The following PEAK1 variants were observed in gnomAD, a reference collection of about 807,000 sequenced individuals.
The protein encoded by PEAK1 is pseudopodium enriched atypical kinase 1, also known as inactive tyrosine-protein kinase PEAK1.
PEAK1 carries 54 observed loss-of-function variants against 124.7 expected under a neutral mutation model. The observed-to-expected ratio is 0.43, with a 90% CI of 0.35 to 0.54. PEAK1 has a LOEUF of 0.54. Among genes scored for constraint, PEAK1 ranks in the 20% least tolerant of loss-of-function variants. The pLI is 0.01. For synonymous variants in PEAK1, 719 were observed against 760.0 expected, an observed-to-expected ratio of 0.95 and a Z score of 0.89; for missense variants, 2,046 against 2,134.5, an observed-to-expected ratio of 0.96 and a Z score of 0.82.
chr15:77,393,794 C>A lies in PEAK1; in HGVS notation c.-666+26212G>T, dbSNP rs76546845. On this transcript the variant is annotated intron_variant, in intron 1 of 9. Transcript: ENST00000682557. ...GTCTTACAGCTTACCAGTGCAGCCA[C>A]AGTGGAATACAGCACCAAGGGGGAT... Among the ~76,000 whole-genome samples the A allele has an allele frequency of 4.6e-3, 703 of 152,310 alleles. 6 individuals are homozygous for A. The highest frequency in any genetic ancestry group is 0.017 in the African/African-American group (686 of 41,564).
At chr15:77,209,441 T>C (rs1458739065) in intron 6 of PEAK1, among the ~76,000 whole-genome samples, 1 of 152,136 alleles carries the variant, frequency 6.6e-6, no homozygotes, top group African/African-American at 2.4e-5. Flanking sequence ...CTAATTTGGG[T>C]TGAATTCAAA....
At chr15:77,352,314 G>A (rs924677551) in intron 2 of PEAK1, 17 of 985,126 alleles carry the variant, frequency 1.7e-5, no homozygotes, top group African/African-American at 3.5e-5. Flanking sequence ...GGGCCAAATC[G>A]AAGTGCCTTA....
chr15:77,249,370 T>A (rs1244060893), intron 6 of PEAK1, among the ~76,000 whole-genome samples: 1 of 152,218 alleles, frequency 6.6e-6, no homozygotes, highest in Admixed American at 6.5e-5. Context: ...TTTGACTCAA[T>A]CTTAGCATTA....
At chr15:77,388,669 G>A (rs1182157710) in intron 1 of PEAK1, among the ~76,000 whole-genome samples, 3 of 151,884 alleles carry the variant, frequency 2.0e-5, no homozygotes, top group Admixed American at 2.0e-4. Flanking sequence ...AACATTTCAT[G>A]TTGATCATTG....
intron 5 of PEAK1, among the ~76,000 whole-genome samples, chr15:77,266,323 T>G (rs2061728575): frequency 1.3e-5 from 2 of 152,108 alleles, no homozygotes; most frequent in African/African-American, 4.8e-5. Flanking sequence ...ATTTTACTCC[T>G]AGGTATTTAC....
intron 6 of PEAK1, among the ~76,000 whole-genome samples, chr15:77,223,532 G>A (rs1018852534): frequency 1.3e-5 from 2 of 151,998 alleles, no homozygotes; most frequent in African/African-American, 2.4e-5. Flanking sequence ...TGTGTGTGTC[G>A]ACAGTAGTCT....
chr15:77,103,511 A>C (rs1232715789), downstream of PEAK1: 2 of 152,206 alleles, frequency 1.3e-5, no homozygotes, highest in African/African-American at 4.8e-5. Flanking sequence ...AAGAGAGTGG[A>C]ACCCTACAGC....
At chr15:77,407,978 C>T (rs556845048) in intron 1 of PEAK1, among the ~76,000 whole-genome samples, 3 of 143,524 alleles carry the variant, frequency 2.1e-5, no homozygotes, top group African/African-American at 7.5e-5. Flanking sequence ...TATATACACA[C>T]ATATACATAT....
At chr15:77,369,543 T>C (rs1316046291) in intron 1 of PEAK1, among the ~76,000 whole-genome samples, 1 of 152,154 alleles carries the variant, frequency 6.6e-6, no homozygotes, top group Non-Finnish European at 1.5e-5. Flanking sequence ...TTGTCTGATT[T>C]ATGAGCTAAG....
intron 9 of PEAK1, among the ~76,000 whole-genome samples, chr15:77,129,989 G>A (rs897132781): frequency 2.6e-5 from 4 of 152,124 alleles, no homozygotes; most frequent in African/African-American, 4.8e-5. Flanking sequence ...GGTCTTAAAA[G>A]AGACATTTAT....
At position 77,181,964 on chromosome 15, in the gene PEAK1, C is replaced by T. The variant is rs1238338733; in HGVS notation, c.-38G>A. 2.0e-6 allele frequency: 3 copies of T among 1,515,968 alleles called. No individual in the cohort carries two copies. The highest frequency in any genetic ancestry group is 2.2e-5 in the Admixed American group (1 of 44,604). 93.9% of individuals were successfully genotyped at this position (1,515,968 alleles called of 1,614,324 possible). A position where few individuals can be genotyped will look rare whatever the true frequency, so the allele number is the denominator to read the frequency against. ...AACTTCACAGACAATGCTTTTCTTT[C>T]AGTGCATGACAAAACTTTCATCTGT... On this transcript the variant is annotated 5_prime_UTR_variant, in exon 7 of 10. An upstream open reading frame in the 5' UTR loses its in-frame stop. Coordinates refer to ENST00000682557, the MANE Select transcript of PEAK1 (RefSeq NM_001385026.1).
chr15:77,231,267 T>A (rs1258393889), intron 6 of PEAK1, among the ~76,000 whole-genome samples: 2 of 152,188 alleles, frequency 1.3e-5, no homozygotes, highest in Non-Finnish European at 2.9e-5. Context: ...AAAAAAAGTA[T>A]AATAGGCTCC....
chr15:77,187,451 A>G (rs1032876264), intron 6 of PEAK1, among the ~76,000 whole-genome samples: 2 of 152,238 alleles, frequency 1.3e-5, no homozygotes, highest in African/African-American at 4.8e-5. Context: ...CAAAAAAACA[A>G]CAAACAAATC....
chr15:77,405,760 C>T (rs1049860349), intron 1 of PEAK1, among the ~76,000 whole-genome samples: 4 of 152,078 alleles, frequency 2.6e-5, no homozygotes, highest in African/African-American at 9.7e-5. Context: ...ACACAACTGA[C>T]AACTACAAGT....
At chr15:77,169,592 G>A (rs2056363752) in intron 7 of PEAK1, among the ~76,000 whole-genome samples, 1 of 152,226 alleles carries the variant, frequency 6.6e-6, no homozygotes, top group Non-Finnish European at 1.5e-5. Flanking sequence ...GTAAAATGAA[G>A]AGGGTACTTG....
At chr15:77,335,161 G>A in intron 2 of PEAK1, 1 of 985,442 alleles carries the variant, frequency 1.0e-6, no homozygotes, top group African/African-American at 1.7e-5. Flanking sequence ...GTGCTTTGTA[G>A]GAACATGCAT....
chr15:77,389,448 G>A (rs773614597), intron 1 of PEAK1, among the ~76,000 whole-genome samples: 15 of 152,140 alleles, frequency 9.9e-5, no homozygotes, highest in Non-Finnish European at 2.2e-4. Context: ...ATTTGCAAAT[G>A]GGAGATAATA....
intron 7 of PEAK1, among the ~76,000 whole-genome samples, chr15:77,160,004 C>G (rs2055488374): frequency 6.6e-6 from 1 of 151,984 alleles, no homozygotes; most frequent in African/African-American, 2.4e-5. Context: ...CTCTTGAGGA[C>G]AGTGGTGAGG....
At chr15:77,349,162 C>T in intron 2 of PEAK1, 1 of 435,210 alleles carries the variant, frequency 2.3e-6, no homozygotes, top group Non-Finnish European at 3.0e-6. Flanking sequence ...GCCTCAGCCT[C>T]CCGAGTAGCT....
Sources: allele counts gnomAD v4.1 joint callset (sites outside exome capture counted in the v4.1 genomes callset), GRCh38; gene constraint gnomAD v4.1.1; transcripts MANE v1.5; gene names NCBI Gene and HGNC (gene_info 2026-07-23, HGNC 2026-07-21).